The following RFX3 variants were observed in gnomAD, a reference collection of about 807,000 sequenced individuals.
The protein encoded by RFX3 is transcription factor RFX3.
RFX3 carries 14 observed loss-of-function variants against 98.6 expected under a neutral mutation model. The ratio of observed to expected loss-of-function variants is 0.14; its 90% CI spans 0.09 to 0.22. The LOEUF is 0.22. Among genes scored for constraint, RFX3 ranks in the 10% least tolerant of loss-of-function variants. The probability of loss-of-function intolerance (pLI) is 1.00; values close to 1 mark genes in which losing one functional copy is unlikely to be tolerated. For missense variants in RFX3, 639 were observed against 926.9 expected, an observed-to-expected ratio of 0.69 and a Z score of 4.03; for synonymous variants, 383 against 328.4, an observed-to-expected ratio of 1.17 and a Z score of -1.80.
chr9:3,469,414 A>C (rs536030190), intron 1 of RFX3, among the ~76,000 whole-genome samples: 8 of 152,172 alleles, frequency 5.3e-5, no homozygotes, highest in Admixed American at 4.6e-4. Context: ...AGGACACCCA[A>C]TAAGGATGAA....
intron 1 of RFX3, among the ~76,000 whole-genome samples, chr9:3,405,776 A>G (rs1425119905): frequency 6.6e-6 from 1 of 152,168 alleles, no homozygotes; most frequent in Non-Finnish European, 1.5e-5. Context: ...CCTAGAGTTC[A>G]GGCCACTACC....
chr9:3,459,023 G>T (rs1340596984), intron 1 of RFX3, among the ~76,000 whole-genome samples: 2 of 152,148 alleles, frequency 1.3e-5, no homozygotes, highest in East Asian at 3.9e-4. Context: ...TCATTTTCTT[G>T]TAAGTGTGCC....
chr9:3,493,611 G>C (rs1245589896), intron 1 of RFX3, among the ~76,000 whole-genome samples: 2 of 147,754 alleles, frequency 1.4e-5, no homozygotes, highest in Non-Finnish European at 3.0e-5. Flanking sequence ...GTGAACCCAG[G>C]AGGCAGAGCT....
rs576790790 is a variant in RFX3 at position 3,469,442 on chromosome 9, G to C, written c.-9+56305C>G. ...AGGATGAAAACAATATTTTCAATAA[G>C]TCAAAGATAAAGTCAATATATAAAC... On this transcript the variant is annotated intron_variant, in intron 1 of 16. Coordinates refer to ENST00000617270, the MANE Select transcript of RFX3 (RefSeq NM_001282116.2). Among the ~76,000 whole-genome samples, 7 of 152,204 alleles carry C rather than the reference G, an allele frequency of 4.6e-5. No homozygotes were observed. In the South Asian group the frequency reaches 1.4e-3, roughly 32 times the overall value.
intron 1 of RFX3, among the ~76,000 whole-genome samples, chr9:3,487,610 AT>A (rs1466039389): frequency 1.3e-5 from 2 of 152,182 alleles, no homozygotes; most frequent in African/African-American, 4.8e-5. Context: ...AAAGAGAGGT[AT>A]AGATTACTAC....
chr9:3,373,533 C>T (rs980640308), intron 2 of RFX3, among the ~76,000 whole-genome samples: 27 of 152,112 alleles, frequency 1.8e-4, no homozygotes, highest in African/African-American at 6.3e-4. Context: ...TTCCCTGGGC[C>T]TCAGTTTCCT....
chr9:3,381,097 G>T (rs1383400416), intron 2 of RFX3, among the ~76,000 whole-genome samples: 1 of 151,958 alleles, frequency 6.6e-6, no homozygotes, highest in African/African-American at 2.4e-5. Flanking sequence ...GGAAAATTAA[G>T]CATAATCATG....
At chr9:3,366,416 T>C (rs974386987) in intron 2 of RFX3, among the ~76,000 whole-genome samples, 4 of 152,214 alleles carry the variant, frequency 2.6e-5, no homozygotes, top group Admixed American at 1.3e-4. Context: ...ACTTTGGTTT[T>C]AGAGTACTCC....
chr9:3,424,509 C>A (rs1187254681), intron 1 of RFX3, among the ~76,000 whole-genome samples: 4 of 151,186 alleles, frequency 2.6e-5, no homozygotes, highest in Admixed American at 6.6e-5. Context: ...CTACAGGCGC[C>A]CGCCACCGCG....
intron 1 of RFX3, among the ~76,000 whole-genome samples, chr9:3,483,868 C>T (rs542606337): frequency 1.3e-5 from 2 of 152,244 alleles, no homozygotes; most frequent in South Asian, 2.1e-4. Flanking sequence ...GAATTTACCT[C>T]ATGTCTTCTA....
At chr9:3,352,674 T>C (rs1036146919) in intron 2 of RFX3, among the ~76,000 whole-genome samples, 2 of 151,954 alleles carry the variant, frequency 1.3e-5, no homozygotes, top group African/African-American at 4.8e-5. Context: ...ATAGAAAACT[T>C]GACAAAATAT....
At chr9:3,315,636 A>C (rs1373751010) in intron 4 of RFX3, among the ~76,000 whole-genome samples, 3 of 152,308 alleles carry the variant, frequency 2.0e-5, no homozygotes, top group African/African-American at 7.2e-5. Context: ...AGCAAGACTA[A>C]TAAAGAAGAA....
At chr9:3,379,970 A>G (rs1004916457) in intron 2 of RFX3, among the ~76,000 whole-genome samples, 12 of 151,666 alleles carry the variant, frequency 7.9e-5, no homozygotes, top group Non-Finnish European at 1.5e-5. Flanking sequence ...TCTTGTTGCC[A>G]GGCTGGAGTA....
chr9:3,409,749 A>G (rs1842295189), intron 1 of RFX3, among the ~76,000 whole-genome samples: 1 of 152,232 alleles, frequency 6.6e-6, no homozygotes, highest in Non-Finnish European at 1.5e-5. Flanking sequence ...CTTTTGGTGA[A>G]GGAGTAATCG....
At chr9:3,502,157 G>T (rs949295432) in intron 1 of RFX3, among the ~76,000 whole-genome samples, 3 of 151,288 alleles carry the variant, frequency 2.0e-5, no homozygotes, top group African/African-American at 7.3e-5. Context: ...TACTCGAGAA[G>T]CTGAGGCAGG....
intron 10 of RFX3, 156 bp downstream of exon 10, chr9:3,270,847 G>C: frequency 9.9e-7 from 1 of 1,009,032 alleles, no homozygotes; most frequent in Non-Finnish European, 1.5e-6. Context: ...AACCTCAAGA[G>C]AGCAGTTCAT....
At chr9:3,499,561 G>T (rs1410994765) in intron 1 of RFX3, among the ~76,000 whole-genome samples, 1 of 152,010 alleles carries the variant, frequency 6.6e-6, no homozygotes, top group Admixed American at 6.6e-5. Context: ...GAGAAGAAAA[G>T]CACAGCAGAG....
intron 2 of RFX3, among the ~76,000 whole-genome samples, chr9:3,349,365 G>T (rs1184549391): frequency 6.6e-6 from 1 of 151,824 alleles, no homozygotes; most frequent in Non-Finnish European, 1.5e-5. Flanking sequence ...TTACTATAAA[G>T]TCACTTAAAA....
chr9:3,318,396 T>C (rs1337436477), intron 4 of RFX3, among the ~76,000 whole-genome samples: 1 of 151,952 alleles, frequency 6.6e-6, no homozygotes, highest in African/African-American at 2.4e-5. Flanking sequence ...CGGGGAGGGA[T>C]AGCATTAGGA....
Sources: allele counts gnomAD v4.1 joint callset (sites outside exome capture counted in the v4.1 genomes callset), GRCh38; gene constraint gnomAD v4.1.1; transcripts MANE v1.5; gene names NCBI Gene and HGNC (gene_info 2026-07-23, HGNC 2026-07-21).